Variants in AMOTL1 observed in about 807,000 individuals in gnomAD.
AMOTL1 encodes angiomotin like 1.
Under a neutral mutation model 102.9 loss-of-function variants are expected in AMOTL1, and 45 were observed. The observed-to-expected ratio is 0.44, with a 90% CI of 0.34 to 0.56. The LOEUF is 0.56. AMOTL1 is among the 20% of genes least tolerant of loss of function. The pLI is 0.01. For missense variants in AMOTL1, 1,114 were observed against 1,225.6 expected (o/e 0.91, Z 1.36); for synonymous variants, 481 against 484.7 (o/e 0.99, Z 0.10).
At chr11:94,818,685 T>C (rs1951808552) in intron 3 of AMOTL1, among the ~76,000 whole-genome samples, 1 of 152,208 alleles carries the variant, frequency 6.6e-6, no homozygotes, top group Admixed American at 6.5e-5. Flanking sequence ...TTTCAATGTT[T>C]ATTATTTTCT....
chr11:94,794,007 C>T (rs1327675629), intron 1 of AMOTL1, among the ~76,000 whole-genome samples: 1 of 152,154 alleles, frequency 6.6e-6, no homozygotes, highest in Non-Finnish European at 1.5e-5. Context: ...CGTTTGGTAT[C>T]AATAATTAGT....
chr11:94,832,781 G>A (rs547356879), intron 6 of AMOTL1, among the ~76,000 whole-genome samples: 7 of 152,186 alleles, frequency 4.6e-5, no homozygotes, highest in Non-Finnish European at 8.8e-5. Context: ...CTGGATGACC[G>A]CATGCCTAGG....
Position 94,875,562 on chromosome 11 carries a change from A to G in AMOTL1, c.*4767A>G, listed in dbSNP as rs1394137176. 1 of 152,222 alleles carries G rather than the reference A, an allele frequency of 6.6e-6. No individual in the cohort carries two copies. The highest frequency in any genetic ancestry group is 1.9e-4 in the East Asian group (1 of 5,198). The allele number at this position is 152,222 out of a possible 1,614,324, so 9.4% of individuals were successfully genotyped here. A position where few individuals can be genotyped will look rare whatever the true frequency, so the allele number is the denominator to read the frequency against. ...GTAAAAATATCTTGGGAACTCTTCT[A>G]CTAGAATGGCCTTCAGGGCTTGGCA... On this transcript the variant is annotated 3_prime_UTR_variant, in exon 13 of 13. Transcript: ENST00000433060.
intron 4 of AMOTL1, among the ~76,000 whole-genome samples, chr11:94,823,731 T>C (rs1951912608): frequency 1.3e-5 from 2 of 151,938 alleles, no homozygotes; most frequent in African/African-American, 4.8e-5. Context: ...TTTTTTTTTT[T>C]TTTAAGATGG....
chr11:94,818,663 T>C (rs1484340512), intron 3 of AMOTL1, among the ~76,000 whole-genome samples: 1 of 152,230 alleles, frequency 6.6e-6, no homozygotes, highest in Non-Finnish European at 1.5e-5. Flanking sequence ...GATTCTAGTC[T>C]TGTCTAATGT....
chr11:94,865,061 C>T (rs893888960), intron 10 of AMOTL1, among the ~76,000 whole-genome samples: 1 of 152,078 alleles, frequency 6.6e-6, no homozygotes, highest in Non-Finnish European at 1.5e-5. Flanking sequence ...GATCTGGTGC[C>T]GGAGTTCTCT....
intron 1 of AMOTL1, among the ~76,000 whole-genome samples, chr11:94,725,836 T>C (rs915378208): frequency 2.0e-5 from 3 of 152,184 alleles, no homozygotes; most frequent in Non-Finnish European, 4.4e-5. Flanking sequence ...CCATGTTAAA[T>C]AGTCCAGACT....
At chr11:94,819,526 C>T (rs1951826407) in intron 3 of AMOTL1, among the ~76,000 whole-genome samples, 1 of 152,206 alleles carries the variant, frequency 6.6e-6, no homozygotes, top group Non-Finnish European at 1.5e-5. Context: ...CAGTGAAAAG[C>T]TAATCAGAGA....
At chr11:94,803,394 A>G (rs1565358997) in intron 3 of AMOTL1, among the ~76,000 whole-genome samples, 1 of 152,126 alleles carries the variant, frequency 6.6e-6, no homozygotes, top group African/African-American at 2.4e-5. Flanking sequence ...ACCTTGGCCC[A>G]TGTGGGTGAG....
At chr11:94,778,530 A>T (rs1330480890) in intron 1 of AMOTL1, among the ~76,000 whole-genome samples, 1 of 152,208 alleles carries the variant, frequency 6.6e-6, no homozygotes, top group Non-Finnish European at 1.5e-5. Context: ...ATATATAGGG[A>T]TCTTAATTAC....
chr11:94,822,758 T>C (rs1951890148), intron 4 of AMOTL1, among the ~76,000 whole-genome samples: 1 of 152,186 alleles, frequency 6.6e-6, no homozygotes, highest in Non-Finnish European at 1.5e-5. Context: ...AAGAACGAGC[T>C]GTTGCTGGGC....
chr11:94,721,555 G>A (rs1950174589), intron 1 of AMOTL1, among the ~76,000 whole-genome samples: 3 of 152,056 alleles, frequency 2.0e-5, no homozygotes, highest in African/African-American at 7.2e-5. Context: ...ATCCTTATAA[G>A]AACTAGGAGA....
intron 3 of AMOTL1, among the ~76,000 whole-genome samples, chr11:94,749,446 C>T (rs559714550): frequency 1.3e-5 from 2 of 152,338 alleles, no homozygotes; most frequent in Non-Finnish European, 2.9e-5. Context: ...ATGCCAGCCT[C>T]TTCTGGAAAC....
At chr11:94,713,088 T>C (rs1950043669) in intron 1 of AMOTL1, among the ~76,000 whole-genome samples, 1 of 151,892 alleles carries the variant, frequency 6.6e-6, no homozygotes, top group Admixed American at 6.6e-5. Flanking sequence ...GTCCAATTTC[T>C]CAAGCACCAT....
At chr11:94,841,865 A>G (rs981863074) in intron 6 of AMOTL1, among the ~76,000 whole-genome samples, 1 of 152,234 alleles carries the variant, frequency 6.6e-6, no homozygotes, top group Non-Finnish European at 1.5e-5. Context: ...AGGAATAACT[A>G]GATCAGAGAA....
chr11:94,730,877 G>A (rs1950338241), intron 2 of AMOTL1, among the ~76,000 whole-genome samples: 2 of 152,210 alleles, frequency 1.3e-5, no homozygotes, highest in African/African-American at 4.8e-5. Context: ...AAAGGCAGAG[G>A]AGAGAAAGAA....
upstream of AMOTL1, among the ~76,000 whole-genome samples, chr11:94,766,058 T>C (rs1565343681): frequency 6.6e-6 from 1 of 152,204 alleles, no homozygotes; most frequent in Non-Finnish European, 1.5e-5. Context: ...GCTCAAAGCC[T>C]AGGTTAACTT....
chr11:94,844,411 T>C (rs190580084), intron 6 of AMOTL1, among the ~76,000 whole-genome samples: 150 of 152,302 alleles, frequency 9.8e-4, no homozygotes, highest in African/African-American at 3.4e-3. Context: ...TGATTCCAGC[T>C]GAAAAAGGAA....
chr11:94,766,859 T>C (rs1363554825), upstream of AMOTL1, among the ~76,000 whole-genome samples: 1 of 152,228 alleles, frequency 6.6e-6, no homozygotes, highest in African/African-American at 2.4e-5. Context: ...TTTCCAGGCC[T>C]ACATTTTTGT....
Sources: gnomAD v4.1 joint callset for allele counts (sites outside exome capture counted in the v4.1 genomes callset) on GRCh38, gnomAD v4.1.1 for gene constraint, MANE v1.5 for transcripts, NCBI Gene and HGNC (gene_info 2026-07-23, HGNC 2026-07-21) for gene names.